Variants in PRDM2 observed in about 807,000 individuals in gnomAD.
PRDM2 encodes PR/SET domain 2, also known as PR domain zinc finger protein 2.
PRDM2 carries 30 observed loss-of-function variants against 130.0 expected under a neutral mutation model. The ratio of observed to expected loss-of-function variants is 0.23; its 90% CI spans 0.17 to 0.31. PRDM2 has a LOEUF of 0.31. Ranked by LOEUF, PRDM2 falls within the 10% of genes least tolerant of loss-of-function variation. The pLI, the probability that PRDM2 is intolerant of heterozygous loss-of-function variation, is 1.00. For missense variants in PRDM2, 2,011 were observed against 2,108.4 expected (o/e 0.95, Z 0.90); for synonymous variants, 871 against 782.4 (o/e 1.11, Z -1.89).
intron 5 of PRDM2, 81 bp downstream of exon 5, chr1:13,742,238 T>C (rs1444349230): frequency 6.8e-7 from 1 of 1,461,120 alleles, no homozygotes; most frequent in African/African-American, 1.4e-5. Flanking sequence ...TCTCATTCTG[T>C]CTCTCAGGCT....
chr1:13,818,921 T>A (rs59793807), intron 9 of PRDM2, among the ~76,000 whole-genome samples: 4,924 of 152,150 alleles, frequency 0.032, 265 homozygotes, highest in African/African-American at 0.11. Flanking sequence ...AGTACAGAGC[T>A]GGGAGGCCCT....
At chr1:13,732,698 T>A in intron 3 of PRDM2, 81 bp from the exon 4 acceptor site, 1 of 1,008,430 alleles carries the variant, frequency 9.9e-7, no homozygotes, top group Admixed American at 2.8e-5. Flanking sequence ...TTAACTGTTT[T>A]GTGAAACTTA....
At position 13,779,329 on chromosome 1, in the gene PRDM2, C is replaced by G. The variant is rs777108092; in HGVS notation, c.1534C>G (p.Pro512Ala). ...TAGAGTTCACGAACGTCATCTGATT[C>G]CCAAAGGTGTACGGCGAAAAGGAGG... ...QRRVHERHLIPKGVRRKGGLE... is the reference protein window; with the variant it reads ...QRRVHERHLIAKGVRRKGGLE... The change falls in exon 8 of 10, where the codon CCC becomes GCC. Residue 512 changes from proline to alanine, a missense_variant. Coordinates refer to ENST00000311066, the MANE Select transcript of PRDM2 (RefSeq NM_001393986.1). This position sits in a 1 kb window ranked among gnomAD's most constrained non-coding sequence, Gnocchi z 4.9. 6.2e-7 allele frequency: 1 copy of G among 1,614,096 alleles called. No individual in the cohort carries two copies. The highest frequency in any genetic ancestry group is 8.5e-7 in the Non-Finnish European group (1 of 1,180,002).
chr1:13,726,164 C>T (rs1056117531), intron 2 of PRDM2, among the ~76,000 whole-genome samples: 3 of 152,168 alleles, frequency 2.0e-5, no homozygotes, highest in South Asian at 2.1e-4. Flanking sequence ...ACATCTTGAA[C>T]GCTCCATCTG....
At chr1:13,791,048 C>G (rs114103649) in intron 8 of PRDM2, among the ~76,000 whole-genome samples, 1,892 of 151,838 alleles carry the variant, frequency 0.012, 24 homozygotes, top group South Asian at 0.035. Context: ...GCACACAACT[C>G]TAAGGTGGCA....
chr1:13,774,750 G>C (rs1472162093), intron 7 of PRDM2, among the ~76,000 whole-genome samples: 1 of 152,136 alleles, frequency 6.6e-6, no homozygotes, highest in African/African-American at 2.4e-5. Flanking sequence ...GCCGAGGCGG[G>C]TGGATCACAA....
At chr1:13,821,074 C>T (rs771524077) in intron 9 of PRDM2, among the ~76,000 whole-genome samples, 3 of 151,956 alleles carry the variant, frequency 2.0e-5, no homozygotes, top group Non-Finnish European at 4.4e-5. Context: ...AATGAACATG[C>T]GTAGTGGTTA....
At chr1:13,749,223 T>G in intron 5 of PRDM2, 138 bp from the exon 6 acceptor site, 2 of 830,126 alleles carry the variant, frequency 2.4e-6, no homozygotes, top group Non-Finnish European at 1.5e-6. Flanking sequence ...GAGCCCTTCC[T>G]GCCGGCCGGG....
chr1:13,722,895 G>T, intron 2 of PRDM2: 1 of 510,258 alleles, frequency 2.0e-6, no homozygotes, highest in Admixed American at 2.0e-5. Flanking sequence ...AAGGTTCAGA[G>T]AAGTTGAATG....
At chr1:13,766,778 G>T (rs1490996912) in intron 6 of PRDM2, among the ~76,000 whole-genome samples, 1 of 152,236 alleles carries the variant, frequency 6.6e-6, no homozygotes, top group African/African-American at 2.4e-5. Context: ...TGAGGAGGCA[G>T]CACATCTAGA....
chr1:13,780,816 C>T lies in PRDM2; in HGVS notation c.3021C>T (p.Cys1007=). The T allele has an allele frequency of 1.2e-6, 2 of 1,600,668 alleles. No individual in the cohort carries two copies. Among genetic ancestry groups the T allele is most frequent in the Non-Finnish European group, 1.7e-6 (2 of 1,171,190 alleles). The change falls in exon 8 of 10, where the codon TGC becomes TGT. Residue 1007 remains cysteine, a synonymous_variant. Transcript: ENST00000311066. ...CTTCCAGTGCATCTCCACACCCATG[C>T]CCCTCTCCACTCTCAAATGCCACCG... ...APSSSASPHP[C]PSPLSNATAQ...
intron 1 of PRDM2, among the ~76,000 whole-genome samples, chr1:13,702,998 G>A (rs1642113016): frequency 1.3e-5 from 2 of 152,178 alleles, no homozygotes; most frequent in Admixed American, 1.3e-4. Context: ...TGTGTCTAGG[G>A]CTTCACGCTT....
At chr1:13,816,331 G>A in intron 8 of PRDM2, 96 bp from the exon 9 acceptor site, 1 of 1,475,492 alleles carries the variant, frequency 6.8e-7, no homozygotes. Flanking sequence ...CCTGGCCTGG[G>A]AAGTGGTGAC....
At chr1:13,769,069 A>C in intron 6 of PRDM2, 1 of 907,966 alleles carries the variant, frequency 1.1e-6, no homozygotes, top group South Asian at 5.1e-5. Context: ...GTTCCTTGTC[A>C]TCATTTCCAT....
chr1:13,726,979 T>C (rs16852866), intron 2 of PRDM2, among the ~76,000 whole-genome samples: 29,153 of 152,022 alleles, frequency 0.19, 3,566 homozygotes, highest in South Asian at 0.34. Flanking sequence ...ATGACTTCTA[T>C]TCTGCTTATT....
intron 8 of PRDM2, among the ~76,000 whole-genome samples, chr1:13,791,189 T>C (rs1372119819): frequency 6.6e-6 from 1 of 152,132 alleles, no homozygotes; most frequent in East Asian, 1.9e-4. Flanking sequence ...TAAAAGCTTT[T>C]CCAAGCATTA....
At chr1:13,725,290 C>T (rs570300535) in intron 2 of PRDM2, among the ~76,000 whole-genome samples, 9 of 152,270 alleles carry the variant, frequency 5.9e-5, no homozygotes, top group East Asian at 1.9e-4. Context: ...CTGCAACTTC[C>T]GCCTCCCGGG....
At chr1:13,721,745 G>A (rs907536764) in intron 2 of PRDM2, among the ~76,000 whole-genome samples, 6 of 152,188 alleles carry the variant, frequency 3.9e-5, no homozygotes, top group Non-Finnish European at 4.4e-5. Context: ...TCTTATGTTA[G>A]GATAGTAACA....
intron 6 of PRDM2, among the ~76,000 whole-genome samples, chr1:13,759,542 A>G (rs940306369): frequency 2.0e-5 from 3 of 152,116 alleles, no homozygotes; most frequent in African/African-American, 7.2e-5. Context: ...TGGAATAAAG[A>G]GATTACTGGC....
Sources: gnomAD v4.1 joint callset for allele counts (sites outside exome capture counted in the v4.1 genomes callset) on GRCh38, gnomAD v4.1.1 for gene constraint, Gnocchi (gnomAD v3.1) non-coding constraint, MANE v1.5 for transcripts, NCBI Gene and HGNC (gene_info 2026-07-23, HGNC 2026-07-21) for gene names.